Variants in PDE4A observed in about 807,000 individuals in gnomAD.
PDE4A encodes the protein 3',5'-cyclic-AMP phosphodiesterase 4A.
Under a neutral mutation model 73.9 loss-of-function variants are expected in PDE4A, and 21 were observed. The ratio of observed to expected loss-of-function variants is 0.28; its 90% CI spans 0.20 to 0.41. PDE4A has a LOEUF of 0.41. Among genes scored for constraint, PDE4A ranks in the 10% least tolerant of loss-of-function variants. The pLI is 1.00. For missense variants in PDE4A, 958 were observed against 1,211.4 expected (o/e 0.79, Z 3.10); for synonymous variants, 463 against 505.4 (o/e 0.92, Z 1.13).
intron 1 of PDE4A, among the ~76,000 whole-genome samples, chr19:10,435,079 C>A (rs745422534): frequency 6.6e-6 from 1 of 151,906 alleles, no homozygotes; most frequent in Non-Finnish European, 1.5e-5. Context: ...CCCCCGCCCC[C>A]GCTCCCTAGC....
chr19:10,463,416 T>A (rs1427481695), intron 13 of PDE4A, among the ~76,000 whole-genome samples: 1 of 145,896 alleles, frequency 6.9e-6, no homozygotes, highest in Admixed American at 6.8e-5. Context: ...TTTTTTTTTT[T>A]TCTGAGATGG....
At chr19:10,452,865 A>AACCCCCCAC in intron 6 of PDE4A, 1 of 243,732 alleles carries the variant, frequency 4.1e-6, no homozygotes, top group Non-Finnish European at 6.6e-6. Context: ...CCCCTTTAAT[A>AACCCCCCAC]CCCCCCCACC....
At chr19:10,449,695 A>C (rs1445948454) in intron 4 of PDE4A, among the ~76,000 whole-genome samples, 1 of 151,972 alleles carries the variant, frequency 6.6e-6, no homozygotes, top group Non-Finnish European at 1.5e-5. Context: ...AGGGGTCTGG[A>C]TGCATGGTGG....
chr19:10,427,255 G>T (rs192801493), intron 1 of PDE4A, among the ~76,000 whole-genome samples: 1 of 152,144 alleles, frequency 6.6e-6, no homozygotes, highest in Non-Finnish European at 1.5e-5. Flanking sequence ...AGCCAAGACC[G>T]TGCCAGTGCA....
At chr19:10,420,261 T>G (rs2042630834), upstream of PDE4A, 1 of 334,612 alleles carries the variant, frequency 3.0e-6, no homozygotes, top group Non-Finnish European at 4.3e-6. This position sits in a 1 kb window ranked among gnomAD's most constrained non-coding sequence, Gnocchi z 6.0. Flanking sequence ...CCAGATCGGA[T>G]TAACCGTTTA....
At chr19:10,432,447 G>A (rs1471752744) in intron 1 of PDE4A, 2 of 1,480,386 alleles carry the variant, frequency 1.4e-6, no homozygotes, top group Non-Finnish European at 8.9e-7. Context: ...GCGCTCCGGT[G>A]CAGCGCCCCG....
At chr19:10,459,876 C>T (rs2043234547) in intron 10 of PDE4A, 117 bp downstream of exon 10, 2 of 1,219,486 alleles carry the variant, frequency 1.6e-6, no homozygotes, top group Non-Finnish European at 1.1e-6. Context: ...GACGCCATTT[C>T]TCTCTCTTTT....
At position 10,424,597 on chromosome 19, in the gene PDE4A, G is replaced by C. The variant is rs895369772; in HGVS notation, c.320+3513G>C. Among the ~76,000 whole-genome samples the C allele has an allele frequency of 2.0e-5, 3 of 152,246 alleles. No individual in the cohort carries two copies. The highest frequency in any genetic ancestry group is 6.5e-5 in the Admixed American group (1 of 15,290). On this transcript the variant is annotated intron_variant, in intron 1 of 14. Transcript: ENST00000380702. The surrounding 1 kb of genome is among the most constrained non-coding windows in gnomAD (Gnocchi z 4.8). Reference sequence around the variant, plus strand: ...AGTCGCCGCCACCGTCGCGGCGCCCGGTATTATTATTTTATGCTTATTGAG... The same window carrying C: ...AGTCGCCGCCACCGTCGCGGCGCCCCGTATTATTATTTTATGCTTATTGAG...
chr19:10,420,774 C>A lies in PDE4A; in HGVS notation c.10C>A (p.Pro4Thr). The A allele has an allele frequency of 3.2e-6, 5 of 1,571,170 alleles. No homozygotes were observed. The highest frequency in any genetic ancestry group is 4.3e-6 in the Non-Finnish European group (5 of 1,168,708). ...AGTGGGGGCCGGCGCCATGGAACCC[C>A]CGACCGTCCCCTCGGAAAGGAGCCT... MEP[P>T]TVPSERSLSL... is the part of the protein sequence containing the mutation. The change falls in exon 1 of 15, where the codon CCG (proline) becomes ACG (threonine). Residue 4 changes from proline (P) to threonine (T), a missense_variant. By Grantham distance (38) the Pro-to-Thr change is conservative (BLOSUM62 -1). Transcript: ENST00000380702. The surrounding 1 kb of genome is among the most constrained non-coding windows in gnomAD (Gnocchi z 6.0).
rs776882442 is a variant in PDE4A at position 10,458,116 on chromosome 19, C to T, written c.1101+14C>T. 15 of 1,612,556 alleles carry T rather than the reference C, an allele frequency of 9.3e-6. No individual in the cohort carries two copies. In the Admixed American group the frequency reaches 1.3e-4, roughly 14 times the overall value. ...CTCCTGGCCCAAGTGGGTGGGGGCT[C>T]AGTAGGGGCAGGGCTGGAGGGGGTG... On this transcript the variant is annotated intron_variant, in intron 8 of 14. Transcript: ENST00000380702. This position sits in a 1 kb window ranked among gnomAD's most constrained non-coding sequence, Gnocchi z 4.6.
Position 10,449,091 on chromosome 19 carries a change from C to A in PDE4A, c.561C>A (p.Ser187Arg). Residue 187 changes from serine to arginine, a missense_variant, in exon 4 of 15, where the codon AGC (serine) becomes AGA (arginine). This residue lies in a region of PDE4A where 570 missense variants were observed against 827.7 expected (regional missense o/e 0.69). Transcript: ENST00000380702. The part of the protein sequence containing the change: ...IVTPFAQVLA[S>R]LRSVRSNFSL... ...GCTCCCCATCCCAGGTGCTGGCCAG[C>A]CTCCGGAGCGTCCGTAGCAACTTCT... The A allele has an allele frequency of 6.2e-7, 1 of 1,613,664 alleles. No individual in the cohort carries two copies.
intron 1 of PDE4A, among the ~76,000 whole-genome samples, chr19:10,423,995 C>G (rs1327506788): frequency 1.3e-5 from 2 of 152,218 alleles, no homozygotes; most frequent in East Asian, 3.8e-4. Flanking sequence ...TACCAGGGCA[C>G]ATACAGGATT....
rs750371955 is a variant in PDE4A at position 10,459,551 on chromosome 19, T to G, written c.1201-44T>G. ...GGGTGAGGGGCTCATAGCGGGGCGC[T>G]GGAGGCCGGTGGAGGTCACCACCCT... is the stretch of plus-strand genomic sequence containing the variant. On this transcript the variant is annotated intron_variant, in intron 9 of 14. Coordinates refer to ENST00000380702, the MANE Select transcript of PDE4A (RefSeq NM_001111307.2). The G allele has an allele frequency of 4.3e-6, 7 of 1,610,764 alleles. No homozygotes were observed. The Admixed American group carries it at 8.3e-5, about 19-fold the overall frequency.
At chr19:10,445,276 G>A (rs1192902462) in intron 1 of PDE4A, among the ~76,000 whole-genome samples, 1 of 152,226 alleles carries the variant, frequency 6.6e-6, no homozygotes, top group Non-Finnish European at 1.5e-5. Context: ...CAAGGAGTGG[G>A]TGAGAAGTAG....
intron 1 of PDE4A, among the ~76,000 whole-genome samples, chr19:10,426,041 A>G (rs931374678): frequency 2.7e-5 from 4 of 147,518 alleles, no homozygotes; most frequent in Non-Finnish European, 4.5e-5. Context: ...GAAAGAAAAG[A>G]GTTCAAATCC....
At chr19:10,448,404 A>G (rs963948176) in intron 2 of PDE4A, among the ~76,000 whole-genome samples, 2 of 152,054 alleles carry the variant, frequency 1.3e-5, no homozygotes, top group African/African-American at 4.8e-5. Context: ...TGAGAGGCCA[A>G]AGTGGGTAGA....
intron 14 of PDE4A, among the ~76,000 whole-genome samples, chr19:10,464,602 C>T (rs1398052353): frequency 2.6e-5 from 4 of 151,888 alleles, no homozygotes; most frequent in Non-Finnish European, 5.9e-5. Context: ...AATTTTTTGT[C>T]GAGACAGGGA....
intron 8 of PDE4A, 105 bp from the exon 9 acceptor site, chr19:10,459,295 G>A: frequency 1.9e-6 from 3 of 1,565,580 alleles, no homozygotes; most frequent in Non-Finnish European, 2.6e-6. Context: ...CACTGGGTGA[G>A]CAATAATGGT....
rs781366528 is a variant in PDE4A, at chr19:10,453,282, T to C, written c.784-1547T>C. ...CTCCAAGATGCCCTTGGTGGATTTC[T>C]TCTGCGAGACCTGCTCTAAGCCTTG... On this transcript the variant is annotated intron_variant, in intron 6 of 14. Transcript: ENST00000380702. The surrounding 1 kb of genome is among the most constrained non-coding windows in gnomAD (Gnocchi z 4.6). 1.2e-6 allele frequency: 2 copies of C among 1,613,468 alleles called. No homozygotes were observed. The highest frequency in any genetic ancestry group is 1.7e-6 in the Non-Finnish European group (2 of 1,179,668).
Sources: gnomAD v4.1 joint callset for allele counts (sites outside exome capture counted in the v4.1 genomes callset) on GRCh38, gnomAD v4.1.1 for gene constraint, gnomAD v4.1.1 regional missense constraint, Gnocchi (gnomAD v3.1) non-coding constraint, MANE v1.5 for transcripts, NCBI Gene and HGNC (gene_info 2026-07-23, HGNC 2026-07-21) for gene names.